The following NEK2 variants were observed in gnomAD, a reference collection of about 807,000 sequenced individuals.
NEK2 encodes the protein NIMA related kinase 2, also known as serine/threonine-protein kinase Nek2.
Under a neutral mutation model 54.1 loss-of-function variants are expected in NEK2, and 28 were observed. That is an observed-to-expected ratio of 0.52 (90% confidence interval 0.38 to 0.71). The LOEUF (loss-of-function observed/expected upper bound fraction) is 0.71. Ranked by LOEUF, NEK2 falls within the 30% of genes least tolerant of loss-of-function variation. The pLI, the probability that NEK2 is intolerant of heterozygous loss-of-function variation, is 0.00. For synonymous variants in NEK2, 176 were observed against 193.1 expected (o/e 0.91, Z 0.73); for missense variants, 407 against 531.5 (o/e 0.77, Z 2.30).
chr1:211,669,345 T>C lies in NEK2; in HGVS notation c.766-13A>G. 2 of 1,605,708 alleles carry C rather than the reference T, an allele frequency of 1.2e-6. No individual in the cohort carries two copies. The highest frequency in any genetic ancestry group is 8.5e-7 in the Non-Finnish European group (1 of 1,172,650). On this transcript the variant is annotated splice_polypyrimidine_tract_variant and intron_variant, in intron 5 of 7. Coordinates refer to ENST00000366999, the MANE Select transcript of NEK2 (RefSeq NM_002497.4). ...GTCGATGGTAATCCTGGGGAAAAAA[T>C]ACTCAGTATTATAGTCAGATTGCAT...
chr1:211,669,481 G>GT, intron 5 of NEK2, 149 bp from the exon 6 acceptor site: 1 of 670,522 alleles, frequency 1.5e-6, no homozygotes, highest in East Asian at 2.7e-5. Flanking sequence ...GGAAAAATAA[G>GT]TTCACTGGTG....
At chr1:211,666,883 C>T (rs912079216) in intron 7 of NEK2, 54 of 1,266,658 alleles carry the variant, frequency 4.3e-5, no homozygotes, top group Middle Eastern at 2.9e-4. Context: ...GAAAATCAAA[C>T]ATGAAATTCT....
At chr1:211,663,826 T>G (rs1056369718) in intron 7 of NEK2, among the ~76,000 whole-genome samples, 174 bp from the exon 8 acceptor site, 22 of 152,314 alleles carry the variant, frequency 1.4e-4, no homozygotes, top group Non-Finnish European at 3.1e-4. Flanking sequence ...AAATCAGCCT[T>G]TTAATCCACA....
At chr1:211,659,269 A>C (rs1654958980), downstream of NEK2, among the ~76,000 whole-genome samples, 1 of 152,186 alleles carries the variant, frequency 6.6e-6, no homozygotes, top group South Asian at 2.1e-4. Flanking sequence ...GTATTACAGG[A>C]CTGGATTATG....
downstream of NEK2, chr1:211,660,748 ATC>A: frequency 1.5e-6 from 1 of 687,812 alleles, no homozygotes; most frequent in East Asian, 3.2e-5. Context: ...GGTCTGCCCA[ATC>A]TCAGTCTGAT....
intron 6 of NEK2, among the ~76,000 whole-genome samples, chr1:211,667,990 GA>G (rs1655232479): frequency 6.6e-6 from 1 of 151,646 alleles, no homozygotes; most frequent in Non-Finnish European, 1.5e-5. Context: ...AGGTTGCAAT[GA>G]ACCAAGATGG....
At chr1:211,660,436 C>T, downstream of NEK2, 1 of 703,946 alleles carries the variant, frequency 1.4e-6, no homozygotes, top group Admixed American at 1.8e-5. Context: ...CCATTGCAGA[C>T]ACTGAACCAC....
chr1:211,661,173 A>T, downstream of NEK2: 1 of 738,166 alleles, frequency 1.4e-6, no homozygotes, highest in Non-Finnish European at 2.5e-6. Flanking sequence ...CTCAGTCAGC[A>T]CCCTAACAAT....
At chr1:211,661,789 A>C (rs570910805), downstream of NEK2, among the ~76,000 whole-genome samples, 2,577 of 152,340 alleles carry the variant, frequency 0.017, 78 homozygotes, top group African/African-American at 0.057. Context: ...TCTTTGGTTC[A>C]CAAGGTCGTT....
rs1281408160 is a variant in NEK2, at chr1:211,675,434, T to C, written c.46A>G (p.Thr16Ala). ...EDYEVLYTIGTGSYGRCQKIR... is the reference protein window; with the variant it reads ...EDYEVLYTIGAGSYGRCQKIR... ...TTCTGGCAGCGGCCGTAGGAGCCTG[T>C]GCCAATGGTGTACAACACTTCATAG... Residue 16 changes from threonine (T) to alanine (A), a missense_variant, in exon 1 of 8, where the codon ACA (threonine) becomes GCA (alanine). Transcript: ENST00000366999. 2.5e-6 allele frequency: 4 copies of C among 1,613,908 alleles called. No homozygotes were observed. The African/African-American group carries it at 4.0e-5, about 16-fold the overall frequency.
chr1:211,665,156 G>C (rs3820371), intron 7 of NEK2, among the ~76,000 whole-genome samples: 23,358 of 152,166 alleles, frequency 0.15, 1,914 homozygotes, highest in East Asian at 0.22. Context: ...ACTTGTGATG[G>C]CTTCCTCACG....
At position 211,669,304 on chromosome 1, in the gene NEK2, AT is replaced by A. The variant is rs867946782; in HGVS notation, c.793del (p.Ile265PhefsTer6). The A allele has an allele frequency of 6.2e-6, 10 of 1,614,078 alleles. No individual in the cohort carries two copies. Among genetic ancestry groups the A allele is most frequent in the African/African-American group, 1.3e-5 (1 of 74,936 alleles). The stretch of plus-strand genomic sequence containing the variant: ...ATCTGCTATTAAAGGGTTCTCAAGA[AT>A]TTCTTCAACAGAAGGTCGATGGTAA... ...KDYHRPSVEE[I>X]LENPLIADLV... is the part of the protein sequence containing the mutation. On this transcript the variant is annotated frameshift_variant, in exon 6 of 8. Transcript: ENST00000366999. LOFTEE classifies it high-confidence loss of function.
At chr1:211,670,709 A>T (rs1431587537) in intron 4 of NEK2, among the ~76,000 whole-genome samples, 5 of 152,270 alleles carry the variant, frequency 3.3e-5, no homozygotes, top group Non-Finnish European at 4.4e-5. Context: ...ATTTATCCAA[A>T]CATCATCAAA....
rs564276224 is a variant in NEK2, at chr1:211,664,174, C to T, written c.1112-522G>A. On this transcript the variant is annotated intron_variant, in intron 7 of 7. Transcript: ENST00000366999. ...GAAATCTGTTTCCAAAAAATCTAAA[C>T]AAATTCAGTGTGGAAAAGGTAAATC... 3.3e-5 allele frequency among the ~76,000 whole-genome samples: 5 copies of T among 149,370 alleles called. No individual in the cohort carries two copies. The South Asian group carries it at 8.5e-4, about 25-fold the overall frequency.
intron 4 of NEK2, among the ~76,000 whole-genome samples, chr1:211,670,621 G>A (rs1207003633): frequency 1.3e-5 from 2 of 152,138 alleles, no homozygotes; most frequent in African/African-American, 4.8e-5. Context: ...GCTGTCCTGT[G>A]CATTATAGGT....
Position 211,669,113 on chromosome 1 carries a change from G to A in NEK2, c.985C>T (p.Gln329Ter), listed in dbSNP as rs140995957. ...ALKAREERLE[Q>*]KEQELCVRER... ...TGCTTTGACCCCCATTCAGACTTAC[G>A]CTCCAATCTTTCTTCTCTTGCTTTG... Residue 329 changes from glutamine (Q) to a stop codon, truncating the protein, a stop_gained and splice_region_variant, in exon 6 of 8, where the codon CAG (glutamine) becomes TAG (stop). Coordinates refer to ENST00000366999, the MANE Select transcript of NEK2 (RefSeq NM_002497.4). LOFTEE classifies it high-confidence loss of function. 2.5e-5 allele frequency: 40 copies of A among 1,613,226 alleles called. No individual in the cohort carries two copies. Among genetic ancestry groups the A allele is most frequent in the African/African-American group, 5.3e-5 (4 of 74,866 alleles).
In NEK2 at chr1:211,671,201, C is replaced by T. The variant is rs1655376399; in HGVS notation, c.638+1G>A. Reference sequence around the variant, plus strand: ...TAGGAATCTGTCTTCATCATACTTACATTAATGCACATAACTCATACAGCA... The same window carrying T: ...TAGGAATCTGTCTTCATCATACTTATATTAATGCACATAACTCATACAGCA... On this transcript the variant is annotated splice_donor_variant, in intron 4 of 7. Coordinates refer to ENST00000366999, the MANE Select transcript of NEK2 (RefSeq NM_002497.4). LOFTEE classifies it high-confidence loss of function. 1.2e-6 allele frequency: 2 copies of T among 1,607,038 alleles called. No individual in the cohort carries two copies. Among genetic ancestry groups the T allele is most frequent in the African/African-American group, 2.7e-5 (2 of 74,774 alleles).
rs1267538953 is a variant in NEK2 at position 211,669,349 on chromosome 1, C to G, written c.766-17G>C. On this transcript the variant is annotated splice_polypyrimidine_tract_variant and intron_variant, in intron 5 of 7. Transcript: ENST00000366999. ...ATGGTAATCCTGGGGAAAAAATACT[C>G]AGTATTATAGTCAGATTGCATAACA... 6.2e-7 allele frequency: 1 copy of G among 1,602,462 alleles called. No homozygotes were observed. Among genetic ancestry groups the G allele is most frequent in the Non-Finnish European group, 8.5e-7 (1 of 1,169,826 alleles).
At chr1:211,666,557 T>C (rs566242024) in intron 7 of NEK2, 87 of 807,340 alleles carry the variant, frequency 1.1e-4, no homozygotes, top group South Asian at 1.7e-4. Flanking sequence ...TCCCAGCACA[T>C]TGGGAGGCCG....
Sources: gnomAD v4.1 joint callset for allele counts (sites outside exome capture counted in the v4.1 genomes callset) on GRCh38, gnomAD v4.1.1 for gene constraint, MANE v1.5 for transcripts, NCBI Gene and HGNC (gene_info 2026-07-23, HGNC 2026-07-21) for gene names.